CCSER1: variants seen among roughly 807,000 people sequenced by gnomAD.
The protein encoded by CCSER1 is coiled-coil serine rich protein 1, also known as serine-rich coiled-coil domain-containing protein 1.
CCSER1 carries 41 observed loss-of-function variants against 82.0 expected under a neutral mutation model. That is an observed-to-expected ratio of 0.50 (90% CI 0.39 to 0.65). The LOEUF (loss-of-function observed/expected upper bound fraction) is 0.65. Ranked by LOEUF, CCSER1 falls within the 30% of genes least tolerant of loss-of-function variation. The pLI, the probability that CCSER1 is intolerant of heterozygous loss-of-function variation, is 0.00. For synonymous variants in CCSER1, 414 were observed against 383.9 expected, an observed-to-expected ratio of 1.08 and a Z score of -0.92; for missense variants, 1,119 against 1,064.2, an observed-to-expected ratio of 1.05 and a Z score of -0.72.
chr4:90,722,670 A>T (rs546724837), intron 6 of CCSER1, among the ~76,000 whole-genome samples: 4 of 151,848 alleles, frequency 2.6e-5, no homozygotes, highest in African/African-American at 9.7e-5. Flanking sequence ...TACTCAATGC[A>T]CTGCCTTATA....
At chr4:90,227,894 C>T (rs1268779840) in intron 1 of CCSER1, among the ~76,000 whole-genome samples, 5 of 152,166 alleles carry the variant, frequency 3.3e-5, no homozygotes, top group Non-Finnish European at 5.9e-5. Context: ...CACTTCCACC[C>T]GAATACAGCG....
rs146232343 is a variant in CCSER1, at chr4:91,548,177, G to A, written c.2218-50395G>A. ...ACTTTGTTACTATCTTACTGGTTGCGCTAAAGTTTGCAATTTACGTGTAAA... is the reference window on the plus strand; with the variant it reads ...ACTTTGTTACTATCTTACTGGTTGCACTAAAGTTTGCAATTTACGTGTAAA... On this transcript the variant is annotated intron_variant, in intron 10 of 10. Coordinates refer to ENST00000509176, the MANE Select transcript of CCSER1 (RefSeq NM_001145065.2). 1.5e-3 allele frequency among the ~76,000 whole-genome samples: 233 copies of A among 152,126 alleles called. 2 individuals are homozygous for A. The highest frequency in any genetic ancestry group is 5.3e-3 in the African/African-American group (220 of 41,516).
At chr4:91,046,639 T>A (rs1378528251) in intron 9 of CCSER1, among the ~76,000 whole-genome samples, 3 of 152,214 alleles carry the variant, frequency 2.0e-5, no homozygotes, top group African/African-American at 7.2e-5. Flanking sequence ...TGACAATGGA[T>A]ATATAGCTTC....
chr4:90,396,011 G>A (rs1350030631), intron 3 of CCSER1, among the ~76,000 whole-genome samples: 2 of 152,060 alleles, frequency 1.3e-5, no homozygotes, highest in Non-Finnish European at 2.9e-5. Context: ...AACCCAGGGG[G>A]CAGAGGTTGC....
At chr4:90,937,051 C>G (rs1258746277) in intron 9 of CCSER1, among the ~76,000 whole-genome samples, 1 of 151,994 alleles carries the variant, frequency 6.6e-6, no homozygotes, top group East Asian at 1.9e-4. Context: ...CTTCATAAAC[C>G]TCATATTCTA....
intron 6 of CCSER1, among the ~76,000 whole-genome samples, chr4:90,715,194 T>G (rs1164422974): frequency 1.3e-5 from 2 of 152,018 alleles, no homozygotes; most frequent in Admixed American, 6.6e-5. Context: ...TAGTTTCCAT[T>G]ATTAGTTAAT....
chr4:90,899,099 T>C (rs1326345643), intron 8 of CCSER1, among the ~76,000 whole-genome samples: 1 of 152,108 alleles, frequency 6.6e-6, no homozygotes, highest in Non-Finnish European at 1.5e-5. Context: ...CTCTATTTCT[T>C]TGTGTCATTG....
intron 6 of CCSER1, among the ~76,000 whole-genome samples, chr4:90,722,654 T>G (rs1478374555): frequency 6.6e-6 from 1 of 151,908 alleles, no homozygotes; most frequent in Admixed American, 6.6e-5. Flanking sequence ...CTTCTTTAGA[T>G]ATTTTTACTC....
At chr4:90,577,867 G>T (rs1036683266) in intron 5 of CCSER1, among the ~76,000 whole-genome samples, 2 of 151,702 alleles carry the variant, frequency 1.3e-5, no homozygotes, top group Non-Finnish European at 2.9e-5. Context: ...GATGTTTATG[G>T]CATATAATGA....
chr4:91,192,452 A>T (rs1735082297), intron 10 of CCSER1, among the ~76,000 whole-genome samples: 1 of 152,158 alleles, frequency 6.6e-6, no homozygotes, highest in South Asian at 2.1e-4. Context: ...TAGTATGTAA[A>T]TTGAGCTTGT....
chr4:90,409,023 G>A (rs1754221283), intron 4 of CCSER1, among the ~76,000 whole-genome samples: 1 of 152,058 alleles, frequency 6.6e-6, no homozygotes, highest in South Asian at 2.1e-4. Context: ...TGGAAGAAAG[G>A]GTATCAGTGA....
intron 10 of CCSER1, among the ~76,000 whole-genome samples, chr4:91,569,251 C>G (rs1231436996): frequency 6.6e-6 from 1 of 152,136 alleles, no homozygotes; most frequent in Non-Finnish European, 1.5e-5. Context: ...CTTCTCATTG[C>G]TCTGAAAGTG....
chr4:90,251,795 A>C (rs1722429710), intron 1 of CCSER1, among the ~76,000 whole-genome samples: 1 of 151,810 alleles, frequency 6.6e-6, no homozygotes, highest in Admixed American at 6.6e-5. Context: ...AGTTGTTCAT[A>C]GTATTCCTTT....
intron 10 of CCSER1, among the ~76,000 whole-genome samples, chr4:91,263,188 G>A (rs181661247): frequency 7.7e-4 from 117 of 152,118 alleles, no homozygotes; most frequent in Admixed American, 5.2e-3. Flanking sequence ...GCTATGCCTG[G>A]TGTTCAGAGA....
At chr4:91,043,955 A>G (rs1742214372) in intron 9 of CCSER1, among the ~76,000 whole-genome samples, 1 of 152,176 alleles carries the variant, frequency 6.6e-6, no homozygotes, top group South Asian at 2.1e-4. Context: ...CTGGGGAAAT[A>G]TTATAACTAA....
intron 9 of CCSER1, among the ~76,000 whole-genome samples, chr4:91,075,624 A>G (rs1721912486): frequency 6.6e-6 from 1 of 152,152 alleles, no homozygotes; most frequent in South Asian, 2.1e-4. Context: ...CTCAGTGAAT[A>G]GAACTAAAAC....
chr4:91,177,941 G>A lies in CCSER1; in HGVS notation c.2217+91947G>A, dbSNP rs550954760. On this transcript the variant is annotated intron_variant, in intron 10 of 10. Transcript: ENST00000509176. The stretch of plus-strand genomic sequence containing the variant: ...TAGATCTTTCCTGCCTTCTGTTGTG[G>A]GCATTTAGTGCTATAAATTTCCCTC... 6.4e-4 allele frequency among the ~76,000 whole-genome samples: 98 copies of A among 152,138 alleles called. No homozygotes were observed. The Middle Eastern group carries it at 0.01, about 16-fold the overall frequency.
At chr4:91,247,502 A>T (rs1006918093) in intron 10 of CCSER1, among the ~76,000 whole-genome samples, 4 of 152,184 alleles carry the variant, frequency 2.6e-5, no homozygotes, top group Admixed American at 2.6e-4. Flanking sequence ...CTCAACTGAG[A>T]GGACCTAGAG....
At chr4:91,493,780 T>A (rs1758673703) in intron 10 of CCSER1, among the ~76,000 whole-genome samples, 1 of 151,746 alleles carries the variant, frequency 6.6e-6, no homozygotes, top group Admixed American at 6.6e-5. Context: ...AAAATGATAA[T>A]GTCATTAATT....
Sources: gnomAD v4.1 joint callset for allele counts (sites outside exome capture counted in the v4.1 genomes callset) on GRCh38, gnomAD v4.1.1 for gene constraint, MANE v1.5 for transcripts, NCBI Gene and HGNC (gene_info 2026-07-23, HGNC 2026-07-21) for gene names.